The following NTRK2 variants were observed in gnomAD, a reference collection of about 807,000 sequenced individuals.
The protein encoded by NTRK2 is BDNF/NT-3 growth factors receptor.
In NTRK2, 13 loss-of-function variants were observed where a neutral mutation model predicts 94.5. The observed-to-expected ratio is 0.14, with a 90% CI of 0.09 to 0.22. The LOEUF (loss-of-function observed/expected upper bound fraction) is 0.22. NTRK2 is among the 10% of genes least tolerant of loss of function. NTRK2 has a pLI of 1.00. For missense variants in NTRK2, 639 were observed against 1,071.2 expected, an observed-to-expected ratio of 0.60 and a Z score of 5.63; for synonymous variants, 372 against 407.4, an observed-to-expected ratio of 0.91 and a Z score of 1.05.
intron 4 of NTRK2, among the ~76,000 whole-genome samples, chr9:84,704,959 T>A (rs1416806632): frequency 6.6e-6 from 1 of 152,144 alleles, no homozygotes; most frequent in Non-Finnish European, 1.5e-5. Context: ...AACAGCTTGG[T>A]TGGTGGTCCC....
intron 12 of NTRK2, among the ~76,000 whole-genome samples, chr9:84,789,256 C>G (rs1322252136): frequency 1.3e-5 from 2 of 152,230 alleles, no homozygotes; most frequent in East Asian, 3.9e-4. Flanking sequence ...GATGATAACA[C>G]CACAGATTGG....
At chr9:84,836,946 A>ATAATATAATG (rs890967899) in intron 12 of NTRK2, among the ~76,000 whole-genome samples, 1 of 140,074 alleles carries the variant, frequency 7.1e-6, no homozygotes, top group African/African-American at 2.7e-5. Context: ...ATAATATAAT[A>ATAATATAATG]TAATATAATA....
chr9:84,991,278 T>C (rs553700033), intron 17 of NTRK2, among the ~76,000 whole-genome samples: 22 of 152,210 alleles, frequency 1.4e-4, no homozygotes, highest in Non-Finnish European at 1.5e-4. Context: ...ACTGAGTACA[T>C]AGGTAGCATC....
At chr9:84,896,392 C>T (rs2076759532) in intron 14 of NTRK2, among the ~76,000 whole-genome samples, 1 of 152,136 alleles carries the variant, frequency 6.6e-6, no homozygotes, top group African/African-American at 2.4e-5. Flanking sequence ...ATGAGGACAG[C>T]CTGCACATAC....
chr9:84,898,681 A>AT (rs534220369), intron 14 of NTRK2, among the ~76,000 whole-genome samples: 55 of 144,602 alleles, frequency 3.8e-4, no homozygotes, highest in South Asian at 4.4e-4. Context: ...CTGAGCCCCC[A>AT]TTTTTTTTTT....
Position 84,676,960 on chromosome 9 carries a change from A to AGTGTGTGT in NTRK2, c.212+6015_212+6022dup, listed in dbSNP as rs58789627. On this transcript the variant is annotated intron_variant, in intron 2 of 18. Coordinates refer to ENST00000277120, the MANE Select transcript of NTRK2 (RefSeq NM_006180.6). ...TTTTCTGTTTAGCTTACTGTGTGTGAGTGTGTGTGTGTGTGTGTGTGTTAA... is the reference window on the plus strand; with the variant it reads ...TTTTCTGTTTAGCTTACTGTGTGTGAGTGTGTGTGTGTGTGTGTGTGTGTGTGTGTTAA... 4.7e-5 allele frequency among the ~76,000 whole-genome samples: 7 copies of AGTGTGTGT among 150,094 alleles called. No homozygotes were observed. In the East Asian group the frequency reaches 5.9e-4, roughly 13 times the overall value.
rs912783137 is a variant in NTRK2, at chr9:84,701,805, C to G, written c.213-354C>G. On this transcript the variant is annotated intron_variant, in intron 2 of 18. Coordinates refer to ENST00000277120, the MANE Select transcript of NTRK2 (RefSeq NM_006180.6). ...ACAGCAGCATCTCTGTGGCTCTCAC[C>G]GTAAGAGTGGAAACACCTTTGAGAG... Among the ~76,000 whole-genome samples, 6 of 152,142 alleles carry G rather than the reference C, an allele frequency of 3.9e-5. No homozygotes were observed. The East Asian group carries it at 1.2e-3, about 29-fold the overall frequency.
chr9:84,877,660 CTTTA>C, intron 14 of NTRK2: 1 of 1,064,182 alleles, frequency 9.4e-7, no homozygotes, highest in Non-Finnish European at 1.1e-6. Flanking sequence ...TGTTGCCTAA[CTTTA>C]TTTCCCTCTC....
At chr9:84,772,598 A>G (rs2066664037) in intron 12 of NTRK2, among the ~76,000 whole-genome samples, 1 of 152,186 alleles carries the variant, frequency 6.6e-6, no homozygotes, top group African/African-American at 2.4e-5. Flanking sequence ...ATGTACCTCT[A>G]GAAGTTTGTA....
chr9:84,710,700 G>A lies in NTRK2; in HGVS notation c.492G>A (p.Glu164=). 1.2e-6 allele frequency: 2 copies of A among 1,614,162 alleles called. No individual in the cohort carries two copies. Among genetic ancestry groups the A allele is most frequent in the Non-Finnish European group, 8.5e-7 (1 of 1,180,024 alleles). The change falls in exon 6 of 19, where the codon GAG becomes GAA. Residue 164 remains glutamate (E), a synonymous_variant. Transcript: ENST00000277120. ...TTATGTGGATCAAGACTCTCCAAGA[G>A]GCTAAATCCAGTCCAGACACTCAGG... The part of the protein sequence containing the change: ...CDIMWIKTLQ[E]AKSSPDTQDL...
At chr9:84,867,135 T>G (rs2075630711) in intron 13 of NTRK2, 108 bp from the exon 14 acceptor site, 1 of 1,071,864 alleles carries the variant, frequency 9.3e-7, no homozygotes, top group African/African-American at 1.6e-5. Context: ...GTGAATATAC[T>G]AAAACCCACT....
intron 14 of NTRK2, among the ~76,000 whole-genome samples, chr9:84,891,281 A>T (rs1190146599): frequency 1.5e-5 from 2 of 129,576 alleles, no homozygotes; most frequent in Admixed American, 1.7e-4. Flanking sequence ...AGGTTCTAGA[A>T]TGAGCACTGT....
intron 12 of NTRK2, among the ~76,000 whole-genome samples, chr9:84,851,026 A>G (rs964999071): frequency 2.0e-5 from 3 of 152,180 alleles, no homozygotes; most frequent in Non-Finnish European, 2.9e-5. Flanking sequence ...TCGCAATCTC[A>G]GTACTGTTGA....
rs1195069392 is a variant in NTRK2, at chr9:84,811,334, A to G, written c.1397-49706A>G. On this transcript the variant is annotated intron_variant, in intron 12 of 18. Transcript: ENST00000277120. ...AACGTTTAAAAAGAAGAAGAAGAAA[A>G]AAAACAAGAACAAGCAGCAACAGCT... 15 of 1,066,356 alleles carry G rather than the reference A, an allele frequency of 1.4e-5. 1 individual carries two copies. In the Admixed American group the frequency reaches 6.9e-4, roughly 49 times the overall value. The allele number at this position is 1,066,356 out of a possible 1,614,324, so 66.1% of individuals were successfully genotyped here. A position where few individuals can be genotyped will look rare whatever the true frequency, so the allele number is the denominator to read the frequency against.
At chr9:84,838,980 C>T (rs1052791509) in intron 12 of NTRK2, among the ~76,000 whole-genome samples, 4 of 151,680 alleles carry the variant, frequency 2.6e-5, no homozygotes, top group African/African-American at 9.7e-5. Context: ...TGCACAAAGG[C>T]CTTGGGAGGT....
At chr9:84,832,913 C>T (rs2073648458) in intron 12 of NTRK2, among the ~76,000 whole-genome samples, 2 of 152,070 alleles carry the variant, frequency 1.3e-5, no homozygotes, top group Non-Finnish European at 2.9e-5. Context: ...TCGGCAGCCA[C>T]CCCCGCACCT....
intron 12 of NTRK2, among the ~76,000 whole-genome samples, chr9:84,779,272 CT>C (rs112198437): frequency 4.0e-5 from 6 of 151,734 alleles, no homozygotes; most frequent in Admixed American, 1.3e-4. Flanking sequence ...TACCACTTGA[CT>C]TTTTTTTTCT....
At chr9:84,673,650 TA>T (rs892659074) in intron 2 of NTRK2, among the ~76,000 whole-genome samples, 3 of 151,986 alleles carry the variant, frequency 2.0e-5, no homozygotes, top group Admixed American at 1.3e-4. Flanking sequence ...AGTGGGACAT[TA>T]AAAAAAATGT....
In NTRK2 at chr9:84,888,982, A is replaced by ATTTTTT. The variant is rs71369159; in HGVS notation, c.1633+21572_1633+21577dup. ...TCCCCATTATTTATTAATGACAGAA[A>ATTTTTT]TTTTTTTTTTTTTTTTTTTTTTTTT... On this transcript the variant is annotated intron_variant, in intron 14 of 18. Transcript: ENST00000277120. 3.3e-3 allele frequency among the ~76,000 whole-genome samples: 332 copies of ATTTTTT among 101,690 alleles called. 111 individuals carry two copies. Among genetic ancestry groups the ATTTTTT allele is most frequent in the South Asian group, 0.019 (58 of 2,994 alleles). 66.7% of individuals were successfully genotyped at this position (101,690 alleles called of 152,430 possible).
Sources: allele counts gnomAD v4.1 joint callset (sites outside exome capture counted in the v4.1 genomes callset), GRCh38; gene constraint gnomAD v4.1.1; transcripts MANE v1.5; gene names NCBI Gene and HGNC (gene_info 2026-07-23, HGNC 2026-07-21).